Variants in FBXL17 observed in about 807,000 individuals in gnomAD.
FBXL17 encodes the protein F-box and leucine rich repeat protein 17, also known as F-box/LRR-repeat protein 17.
In FBXL17, 22 loss-of-function variants were observed where a neutral mutation model predicts 66.2. The observed-to-expected ratio is 0.33, with a 90% CI of 0.24 to 0.47. FBXL17 has a LOEUF of 0.47. FBXL17 is among the 20% of genes least tolerant of loss of function. The pLI is 1.00. For missense variants in FBXL17, 878 were observed against 948.2 expected (o/e 0.93, Z 0.97); for synonymous variants, 474 against 400.5 (o/e 1.18, Z -2.19).
intron 4 of FBXL17, among the ~76,000 whole-genome samples, chr5:108,234,520 G>T (rs139094104): frequency 6.6e-6 from 1 of 151,776 alleles, no homozygotes; most frequent in Non-Finnish European, 1.5e-5. Context: ...TTCTTTTCAT[G>T]GAACTAATCT....
intron 7 of FBXL17, among the ~76,000 whole-genome samples, chr5:107,888,424 T>C (rs1749044894): frequency 6.6e-6 from 1 of 152,170 alleles, no homozygotes; most frequent in African/African-American, 2.4e-5. Context: ...TACACCTTGA[T>C]GAATTTTAGT....
intron 6 of FBXL17, among the ~76,000 whole-genome samples, chr5:108,040,887 G>A (rs1211020612): frequency 6.6e-6 from 1 of 152,072 alleles, no homozygotes; most frequent in Non-Finnish European, 1.5e-5. Context: ...TTTAGATCAG[G>A]CAATAAAACA....
intron 4 of FBXL17, among the ~76,000 whole-genome samples, chr5:108,325,296 A>G (rs1488848753): frequency 3.9e-5 from 6 of 152,138 alleles, no homozygotes; most frequent in African/African-American, 1.4e-4. Context: ...AAGGAAGAAA[A>G]GAGTGATCAA....
rs188265926 is a variant in FBXL17, at chr5:108,367,935, G to A, written c.1012C>T (p.Leu338=). Residue 338 remains leucine, a synonymous_variant, in exon 2 of 9, where the codon CTG becomes TTG. Transcript: ENST00000542267. ...GATGCGGAAAGGCAACGCTCATCCA[G>A]TGACAAATTGGAAAATATCTGTGAA... ...ILLKIFSNLS[L]DERCLSASLV... is the part of the protein sequence containing the mutation. 5 of 1,550,478 alleles carry A rather than the reference G, an allele frequency of 3.2e-6. No individual in the cohort carries two copies. The African/African-American group carries it at 6.9e-5, about 21-fold the overall frequency.
intron 4 of FBXL17, among the ~76,000 whole-genome samples, chr5:108,271,610 T>C (rs183865975): frequency 6.6e-5 from 10 of 152,320 alleles, no homozygotes; most frequent in Non-Finnish European, 1.3e-4. Flanking sequence ...AATACATGTT[T>C]ATGAGTTGGG....
chr5:108,261,259 G>A (rs1040486335), intron 4 of FBXL17, among the ~76,000 whole-genome samples: 2 of 151,896 alleles, frequency 1.3e-5, no homozygotes, highest in Non-Finnish European at 2.9e-5. Context: ...AAAAAATGGT[G>A]AGAAGAGGGA....
intron 1 of FBXL17, among the ~76,000 whole-genome samples, chr5:108,374,636 A>G (rs1441767206): frequency 6.6e-6 from 1 of 152,114 alleles, no homozygotes; most frequent in African/African-American, 2.4e-5. Context: ...TGATCACACC[A>G]CTGCACTCCA....
At chr5:108,032,615 A>G (rs1746687344) in intron 6 of FBXL17, among the ~76,000 whole-genome samples, 1 of 152,192 alleles carries the variant, frequency 6.6e-6, no homozygotes, top group Non-Finnish European at 1.5e-5. Flanking sequence ...TGATGTGGCC[A>G]CAAGCCAAGG....
intron 4 of FBXL17, among the ~76,000 whole-genome samples, chr5:108,339,006 T>A (rs1363658528): frequency 6.6e-6 from 1 of 152,138 alleles, no homozygotes; most frequent in African/African-American, 2.4e-5. Flanking sequence ...CATAGGACAT[T>A]TACAATAATG....
chr5:107,925,380 T>C (rs566812283), intron 7 of FBXL17, among the ~76,000 whole-genome samples: 4 of 152,306 alleles, frequency 2.6e-5, no homozygotes, highest in Admixed American at 2.6e-4. Context: ...TGAAGATCTA[T>C]GTAGCAGATG....
At chr5:107,946,308 T>TA (rs1751291971) in intron 7 of FBXL17, among the ~76,000 whole-genome samples, 2 of 110,410 alleles carry the variant, frequency 1.8e-5, no homozygotes, top group African/African-American at 7.4e-5. Context: ...TATATATATA[T>TA]ATTAGTGACA....
At chr5:107,927,438 TTTA>T (rs1490771585) in intron 7 of FBXL17, among the ~76,000 whole-genome samples, 1 of 152,140 alleles carries the variant, frequency 6.6e-6, no homozygotes, top group Non-Finnish European at 1.5e-5. Context: ...GGTAGAAGGC[TTTA>T]ATGACTTTGA....
At chr5:108,019,122 T>C (rs1297829256) in intron 7 of FBXL17, among the ~76,000 whole-genome samples, 5 of 152,164 alleles carry the variant, frequency 3.3e-5, no homozygotes, top group East Asian at 1.9e-4. Context: ...CAACACTTAC[T>C]AGCAGTGTAC....
intron 4 of FBXL17, among the ~76,000 whole-genome samples, chr5:108,263,623 A>G (rs983020885): frequency 6.6e-6 from 1 of 152,240 alleles, no homozygotes; most frequent in African/African-American, 2.4e-5. Context: ...AGCAATAAAA[A>G]TCAAAGGTGT....
intron 4 of FBXL17, among the ~76,000 whole-genome samples, chr5:108,307,964 G>A (rs955318811): frequency 5.9e-5 from 9 of 151,936 alleles, no homozygotes; most frequent in Admixed American, 1.3e-4. Flanking sequence ...AGTGTGTAAC[G>A]GAAAACATAA....
chr5:108,167,066 G>GT (rs766229373), intron 6 of FBXL17, among the ~76,000 whole-genome samples: 13 of 151,934 alleles, frequency 8.6e-5, no homozygotes, highest in East Asian at 1.9e-4. Context: ...AGATCATTGT[G>GT]TTTTTTTTAA....
chr5:108,040,390 C>A (rs1194832743), intron 6 of FBXL17, among the ~76,000 whole-genome samples: 1 of 151,982 alleles, frequency 6.6e-6, no homozygotes, highest in Non-Finnish European at 1.5e-5. Context: ...TACTTCTAGA[C>A]CACCATATAT....
rs1759356521 is a variant in FBXL17, at chr5:108,316,230, AC to A, written c.1506+32168del. 1.3e-5 allele frequency among the ~76,000 whole-genome samples: 2 copies of A among 151,648 alleles called. 1 individual carries two copies. On this transcript the variant is annotated intron_variant, in intron 4 of 8. Coordinates refer to ENST00000542267, the MANE Select transcript of FBXL17 (RefSeq NM_001163315.3). ...CTAAAACTTCAAAGGAGAAAAAAAA[AC>A]AGTGACAAACTGTTATTAAAATACT...
intron 7 of FBXL17, among the ~76,000 whole-genome samples, chr5:107,976,625 T>C (rs1752589588): frequency 6.6e-6 from 1 of 152,114 alleles, no homozygotes; most frequent in Non-Finnish European, 1.5e-5. Context: ...TAAACAACAA[T>C]GAAGAATCAA....
Sources: gnomAD v4.1 joint callset for allele counts (sites outside exome capture counted in the v4.1 genomes callset) on GRCh38, gnomAD v4.1.1 for gene constraint, MANE v1.5 for transcripts, NCBI Gene and HGNC (gene_info 2026-07-23, HGNC 2026-07-21) for gene names.